Variants in B4GALNT3 observed in about 807,000 individuals in gnomAD.
B4GALNT3 encodes beta-1,4-N-acetyl-galactosaminyltransferase 3, also known as beta-1,4-N-acetylgalactosaminyltransferase 3.
In B4GALNT3, 86 loss-of-function variants were observed where a neutral mutation model predicts 120.2. The observed-to-expected ratio is 0.72, with a 90% confidence interval of 0.60 to 0.86. The LOEUF (loss-of-function observed/expected upper bound fraction) is 0.86, where lower values mean the gene tolerates loss of function less well. B4GALNT3 is among the 40% of genes least tolerant of loss of function. The pLI is 0.00. For missense variants in B4GALNT3, 1,167 were observed against 1,298.9 expected, an observed-to-expected ratio of 0.90 and a Z score of 1.56; for synonymous variants, 518 against 510.4, an observed-to-expected ratio of 1.01 and a Z score of -0.20.
intron 1 of B4GALNT3, among the ~76,000 whole-genome samples, chr12:521,412 G>C (rs1055447018): frequency 5.3e-5 from 8 of 152,322 alleles, no homozygotes; most frequent in African/African-American, 1.9e-4. Context: ...AATCACTGCC[G>C]TGGTTCCTGG....
At position 549,817 on chromosome 12, in the gene B4GALNT3, C is replaced by G. The variant is rs1297415203; in HGVS notation, c.902C>G (p.Ala301Gly). The stretch of plus-strand genomic sequence containing the variant: ...GAGGTGGGCCACATCCCACAGACAG[C>G]AGCCAGCCACGTGGACTCCTCCAAC... ...MDEVGHIPQT[A>G]ASHVDSSNAL... The change falls in exon 10 of 20, where the codon GCA becomes GGA. Residue 301 changes from alanine (A) to glycine (G), a missense_variant. Around this residue, in one of 3 missense-constraint regions of B4GALNT3, gnomAD observed 983 missense variants for 1,102.5 expected, o/e 0.89. Transcript: ENST00000266383. 1.2e-6 allele frequency: 2 copies of G among 1,613,750 alleles called. No homozygotes were observed.
intron 1 of B4GALNT3, among the ~76,000 whole-genome samples, chr12:496,945 G>A (rs1351649932): frequency 6.6e-6 from 1 of 151,634 alleles, no homozygotes; most frequent in Admixed American, 6.6e-5. Flanking sequence ...TACAGATCAC[G>A]GCTCACTGCA....
intron 1 of B4GALNT3, among the ~76,000 whole-genome samples, chr12:474,888 G>A (rs145345255): frequency 0.019 from 2,112 of 111,248 alleles, 66 homozygotes; most frequent in African/African-American, 0.058. Flanking sequence ...GGCAGAGGTT[G>A]CAGTGAGCCA....
chr12:550,420 T>G lies in B4GALNT3; in HGVS notation c.998-502T>G, dbSNP rs2120716204. The stretch of plus-strand genomic sequence containing the variant: ...GGGAGGATCGCTTGAGCCCAGGAGG[T>G]TGAGGCTGCAGTGAGCTGTGATTGA... On this transcript the variant is annotated intron_variant, in intron 10 of 19. Transcript: ENST00000266383. The surrounding 1 kb of genome is among the most constrained non-coding windows in gnomAD (Gnocchi z 4.1). Among the ~76,000 whole-genome samples the G allele has an allele frequency of 6.6e-6, 1 of 152,102 alleles. No homozygotes were observed. The highest frequency in any genetic ancestry group is 2.1e-4 in the South Asian group (1 of 4,804).
At chr12:483,051 G>T (rs2120478871) in intron 1 of B4GALNT3, among the ~76,000 whole-genome samples, 1 of 152,146 alleles carries the variant, frequency 6.6e-6, no homozygotes, top group African/African-American at 2.4e-5. Flanking sequence ...GGCACTACAG[G>T]TGGATGTCAC....
At chr12:485,062 C>A (rs1204990214) in intron 1 of B4GALNT3, among the ~76,000 whole-genome samples, 1 of 152,146 alleles carries the variant, frequency 6.6e-6, no homozygotes, top group Non-Finnish European at 1.5e-5. Context: ...CTCCCCAGCA[C>A]CCAGAAGCAC....
At chr12:486,282 T>C (rs1268792278) in intron 1 of B4GALNT3, among the ~76,000 whole-genome samples, 4 of 146,308 alleles carry the variant, frequency 2.7e-5, no homozygotes, top group Non-Finnish European at 6.0e-5. Context: ...TGATCTTGGC[T>C]CACTGCAACC....
chr12:511,061 A>G (rs1382250015), intron 1 of B4GALNT3, among the ~76,000 whole-genome samples: 1 of 80,498 alleles, frequency 1.2e-5, no homozygotes, highest in Non-Finnish European at 2.3e-5. Context: ...TTTTTGAGAC[A>G]GGGTCTTACT....
chr12:556,008 C>G (rs1814508302), intron 14 of B4GALNT3, among the ~76,000 whole-genome samples: 2 of 151,394 alleles, frequency 1.3e-5, no homozygotes, highest in African/African-American at 4.8e-5. Context: ...TGGTCTTGAT[C>G]TCCTGACCTT....
intron 1 of B4GALNT3, among the ~76,000 whole-genome samples, chr12:494,486 G>A (rs1000393722): frequency 4.6e-5 from 7 of 152,134 alleles, no homozygotes; most frequent in African/African-American, 1.7e-4. Context: ...GAGTATGAGC[G>A]CTGGAGTCTC....
At position 544,459 on chromosome 12, in the gene B4GALNT3, C is replaced by T. The variant is rs1353823021; in HGVS notation, c.447+25C>T. 5 of 1,583,056 alleles carry T rather than the reference C, an allele frequency of 3.2e-6. No homozygotes were observed. In the Admixed American group the frequency reaches 8.3e-5, roughly 26 times the overall value. On this transcript the variant is annotated intron_variant, in intron 4 of 19. Coordinates refer to ENST00000266383, the MANE Select transcript of B4GALNT3 (RefSeq NM_173593.4). ...TGTGAGTGCCTGAGGGCTGCCTTGC[C>T]CACCTCCCTCCACACCTGCCTCCTC...
chr12:511,501 C>T (rs1431492926), intron 1 of B4GALNT3, among the ~76,000 whole-genome samples: 1 of 107,318 alleles, frequency 9.3e-6, no homozygotes, highest in African/African-American at 3.2e-5. Context: ...TTCCACCTTC[C>T]ACCTTCCACC....
In B4GALNT3 at chr12:553,246, G is replaced by C. The variant is rs35419938; in HGVS notation, c.1323G>C (p.Glu441Asp). 6.2e-3 allele frequency: 10,040 copies of C among 1,613,394 alleles called. 77 individuals are homozygous for C. Among genetic ancestry groups the C allele is most frequent in the Middle Eastern group, 0.023 (141 of 6,060 alleles). Reference protein sequence around the residue: ...EESQYGEVAEETPASNNQNAR... With the variant: ...EESQYGEVAEDTPASNNQNAR... ...CCCAGTATGGGGAAGTGGCAGAGGAGACCCCTGCCTCCAACAACCAGAATG... is the reference window on the plus strand; with the variant it reads ...CCCAGTATGGGGAAGTGGCAGAGGACACCCCTGCCTCCAACAACCAGAATG... Residue 441 changes from glutamate (E) to aspartate (D), a missense_variant, in exon 14 of 20, where the codon GAG becomes GAC. By Grantham distance (45) the Glu-to-Asp change is conservative (BLOSUM62 2). Around this residue, in one of 3 missense-constraint regions of B4GALNT3, gnomAD observed 983 missense variants for 1,102.5 expected, o/e 0.89. Transcript: ENST00000266383.
intron 1 of B4GALNT3, among the ~76,000 whole-genome samples, chr12:470,983 C>T (rs1449656039): frequency 6.6e-6 from 1 of 151,976 alleles, no homozygotes; most frequent in Non-Finnish European, 1.5e-5. Context: ...CCCGCCTCAG[C>T]CTCCCAAAGT....
In B4GALNT3 at chr12:556,570, T is replaced by C; in HGVS notation, c.2084T>C (p.Val695Ala). The part of the protein sequence containing the change: ...SRGRYQLQRI[V>A]NVEKRQDQLR... ...AGGAGGTACCAGCTACAGCGCATTG[T>C]GAACGTGGAAAAGCGTCAGGACCAG... Residue 695 changes from valine (V) to alanine (A), a missense_variant, in exon 15 of 20, where the codon GTG (valine) becomes GCG (alanine). By Grantham distance (64) the Val-to-Ala change is moderately conservative (BLOSUM62 0). This residue lies in a region of B4GALNT3 where 983 missense variants were observed against 1,102.5 expected (regional missense o/e 0.89). Coordinates refer to ENST00000266383, the MANE Select transcript of B4GALNT3 (RefSeq NM_173593.4). 6.2e-7 allele frequency: 1 copy of C among 1,613,582 alleles called. No homozygotes were observed. Among genetic ancestry groups the C allele is most frequent in the Non-Finnish European group, 8.5e-7 (1 of 1,179,680 alleles).
At chr12:540,215 C>G (rs1469607489) in intron 3 of B4GALNT3, among the ~76,000 whole-genome samples, 3 of 152,194 alleles carry the variant, frequency 2.0e-5, no homozygotes, top group Non-Finnish European at 4.4e-5. Context: ...CTCTGAACCT[C>G]GTACCTCTGC....
At chr12:476,661 T>G (rs7311655) in intron 1 of B4GALNT3, among the ~76,000 whole-genome samples, 66,454 of 152,018 alleles carry the variant, frequency 0.44, 14,941 homozygotes, top group Non-Finnish European at 0.5. Flanking sequence ...CAGAATTGAA[T>G]GTTGATTTGA....
In B4GALNT3 at chr12:561,782, C is replaced by T. The variant is rs541890429; in HGVS notation, c.*331C>T. The T allele has an allele frequency of 1.0e-4, 25 of 240,942 alleles. No individual in the cohort carries two copies. The highest frequency in any genetic ancestry group is 1.4e-3 in the Middle Eastern group (1 of 694). 14.9% of individuals were successfully genotyped at this position (240,942 alleles called of 1,614,324 possible). On this transcript the variant is annotated 3_prime_UTR_variant, in exon 20 of 20. Transcript: ENST00000266383. ...CACCATCCTCATCCATGAAGGTGCA[C>T]GCCCACATCCCCCAAGCGCTCCTCA...
chr12:552,693 C>T (rs965383181), intron 13 of B4GALNT3, 165 bp downstream of exon 13: 2 of 636,220 alleles, frequency 3.1e-6, no homozygotes, highest in Non-Finnish European at 5.5e-6. Flanking sequence ...TGACTCCTGC[C>T]TTTTCCATAT....
Sources: allele counts gnomAD v4.1 joint callset (sites outside exome capture counted in the v4.1 genomes callset), GRCh38; gene constraint gnomAD v4.1.1; regional missense constraint gnomAD v4.1.1; non-coding constraint Gnocchi (gnomAD v3.1); transcripts MANE v1.5; gene names NCBI Gene and HGNC (gene_info 2026-07-23, HGNC 2026-07-21).